EFCAB14: variants seen among roughly 807,000 people sequenced by gnomAD.
EFCAB14 encodes the protein EF-hand calcium binding domain 14.
Under a neutral mutation model 56.5 loss-of-function variants are expected in EFCAB14, and 43 were observed. The observed-to-expected ratio is 0.76, with a 90% CI of 0.60 to 0.98. The LOEUF (loss-of-function observed/expected upper bound fraction) is 0.98, where lower values mean the gene tolerates loss of function less well. Among genes scored for constraint, EFCAB14 ranks in the 50% least tolerant of loss-of-function variants. EFCAB14 has a pLI of 0.00. For synonymous variants in EFCAB14, 235 were observed against 212.9 expected, an observed-to-expected ratio of 1.10 and a Z score of -0.90; for missense variants, 538 against 580.3, an observed-to-expected ratio of 0.93 and a Z score of 0.75.
At position 46,675,415 on chromosome 1, in the gene EFCAB14, T is replaced by C. The variant is rs1676678259; in HGVS notation, c.*3046A>G. Reference sequence around the variant, plus strand: ...ATAAAGTCTCAGGAATACCCAAATGTGTTCTGGTTTGGATATGAAAGAGGG... The same window carrying C: ...ATAAAGTCTCAGGAATACCCAAATGCGTTCTGGTTTGGATATGAAAGAGGG... On this transcript the variant is annotated 3_prime_UTR_variant, in exon 11 of 11. Coordinates refer to ENST00000371933, the MANE Select transcript of EFCAB14 (RefSeq NM_014774.3). 1 of 152,606 alleles carries C rather than the reference T, an allele frequency of 6.6e-6. No homozygotes were observed. Among genetic ancestry groups the C allele is most frequent in the African/African-American group, 2.4e-5 (1 of 41,444 alleles). The allele number at this position is 152,606 out of a possible 1,614,324, so 9.5% of individuals were successfully genotyped here.
chr1:46,699,940 G>A (rs953782651), intron 3 of EFCAB14, among the ~76,000 whole-genome samples: 1 of 152,182 alleles, frequency 6.6e-6, no homozygotes, highest in Admixed American at 6.5e-5. Flanking sequence ...ATGCTGTGAG[G>A]ACACTCGAGT....
chr1:46,716,279 G>GTT lies in EFCAB14; in HGVS notation c.334+15_334+16insAA. ...AAAAAAAAAAAAAAAAAAAAAGAGA[G>GTT]TAACCACTTACTTACTTGTTCGAAA... On this transcript the variant is annotated intron_variant, in intron 2 of 10. Coordinates refer to ENST00000371933, the MANE Select transcript of EFCAB14 (RefSeq NM_014774.3). 1 of 1,024,392 alleles carries GTT rather than the reference G, an allele frequency of 9.8e-7. No individual in the cohort carries two copies. The highest frequency in any genetic ancestry group is 1.4e-6 in the Non-Finnish European group (1 of 707,784). 63.5% of individuals were successfully genotyped at this position (1,024,392 alleles called of 1,614,324 possible).
chr1:46,697,842 T>TTCTC (rs753072329), intron 3 of EFCAB14, among the ~76,000 whole-genome samples: 1 of 144,724 alleles, frequency 6.9e-6, no homozygotes, highest in Non-Finnish European at 1.5e-5. Context: ...ATTTTTTCCT[T>TTCTC]TCTCTCTCTC....
At chr1:46,710,978 C>T (rs1046892934) in intron 2 of EFCAB14, among the ~76,000 whole-genome samples, 3 of 152,332 alleles carry the variant, frequency 2.0e-5, no homozygotes, top group East Asian at 3.9e-4. Flanking sequence ...CAGGATTTCA[C>T]TCTTTTTATG....
intron 10 of EFCAB14, 129 bp downstream of exon 10, chr1:46,683,171 T>C: frequency 9.3e-7 from 1 of 1,070,874 alleles, no homozygotes; most frequent in Non-Finnish European, 1.3e-6. Flanking sequence ...ATAATGCATA[T>C]AAAGTATCTG....
Position 46,684,432 on chromosome 1 carries a change from T to G in EFCAB14, c.1186+59A>C. On this transcript the variant is annotated intron_variant, in intron 9 of 10. Coordinates refer to ENST00000371933, the MANE Select transcript of EFCAB14 (RefSeq NM_014774.3). ...GCTGGAACACCTTCCCTGCTCCCCA[T>G]GTGAGAGGCAAGCTGCTCAAGCCTC... 1.4e-5 allele frequency: 19 copies of G among 1,394,376 alleles called. No homozygotes were observed. The South Asian group carries it at 2.2e-4, about 16-fold the overall frequency. The allele number at this position is 1,394,376 out of a possible 1,614,324, so 86.4% of individuals were successfully genotyped here.
chr1:46,686,356 TCC>T (rs1255212124), intron 8 of EFCAB14, among the ~76,000 whole-genome samples: 1 of 152,222 alleles, frequency 6.6e-6, no homozygotes, highest in East Asian at 1.9e-4. Flanking sequence ...TCTGCCTCTG[TCC>T]CCCATCATTA....
At chr1:46,687,900 G>A (rs1676912522) in intron 7 of EFCAB14, among the ~76,000 whole-genome samples, 1 of 152,106 alleles carries the variant, frequency 6.6e-6, no homozygotes. Context: ...TTAATATATA[G>A]ACAGCAGGAT....
chr1:46,716,157 G>T, intron 2 of EFCAB14, 138 bp downstream of exon 2: 1 of 945,816 alleles, frequency 1.1e-6, no homozygotes, highest in Non-Finnish European at 1.5e-6. Context: ...GGCTGACCAT[G>T]AGAATCACTT....
At position 46,708,068 on chromosome 1, in the gene EFCAB14, A is replaced by C; in HGVS notation, c.335-17T>G. 1 of 1,608,622 alleles carries C rather than the reference A, an allele frequency of 6.2e-7. No individual in the cohort carries two copies. The highest frequency in any genetic ancestry group is 1.1e-5 in the South Asian group (1 of 90,626). On this transcript the variant is annotated splice_polypyrimidine_tract_variant and intron_variant, in intron 2 of 10. Coordinates refer to ENST00000371933, the MANE Select transcript of EFCAB14 (RefSeq NM_014774.3). ...TAGATTCCACTAAAAAGACAAAATA[A>C]GAACAATCATAACTAGCATAAAGTG... is the stretch of plus-strand genomic sequence containing the variant.
At position 46,696,554 on chromosome 1, in the gene EFCAB14, C is replaced by T; in HGVS notation, c.576G>A (p.Gln192=). The change falls in exon 4 of 11, where the codon CAG becomes CAA. Residue 192 remains glutamine (Q), a synonymous_variant. Transcript: ENST00000371933. ...TGTACCCACACATGGCACCTACCTT[C>T]TGAAGTCCCTCTACAGTGGTAGGCA... ...ISLPTTVEGL[Q]KSVASIGNTL... 6.2e-7 allele frequency: 1 copy of T among 1,613,216 alleles called. No homozygotes were observed. Among genetic ancestry groups the T allele is most frequent in the South Asian group, 1.1e-5 (1 of 90,996 alleles).
In EFCAB14 at chr1:46,676,278, A is replaced by C. The variant is rs1172560788; in HGVS notation, c.*2183T>G. On this transcript the variant is annotated 3_prime_UTR_variant, in exon 11 of 11. Coordinates refer to ENST00000371933, the MANE Select transcript of EFCAB14 (RefSeq NM_014774.3). ...GTAGGGGGAGAGGATGGTACTGTAT[A>C]CTGGCTCAGGGGTGATACTAGTCAG... The C allele has an allele frequency of 6.6e-6, 1 of 152,200 alleles. No homozygotes were observed. Among genetic ancestry groups the C allele is most frequent in the African/African-American group, 2.4e-5 (1 of 41,454 alleles). 9.4% of individuals were successfully genotyped at this position (152,200 alleles called of 1,614,324 possible).
rs538127987 is a variant in EFCAB14, at chr1:46,678,077, G to A, written c.*384C>T. 16 of 161,342 alleles carry A rather than the reference G, an allele frequency of 9.9e-5. No individual in the cohort carries two copies. The highest frequency in any genetic ancestry group is 1.7e-4 in the Non-Finnish European group (13 of 74,370). The allele number at this position is 161,342 out of a possible 1,614,324, so 10.0% of individuals were successfully genotyped here. A position where few individuals can be genotyped will look rare whatever the true frequency, so the allele number is the denominator to read the frequency against. On this transcript the variant is annotated 3_prime_UTR_variant, in exon 11 of 11. Coordinates refer to ENST00000371933, the MANE Select transcript of EFCAB14 (RefSeq NM_014774.3). ...GACATTTTCTGAGTCTCTATAAAGT[G>A]CAGCTAATTTAAGGCAAATTTAAGT...
chr1:46,681,518 A>G (rs1676794536), intron 10 of EFCAB14, among the ~76,000 whole-genome samples: 1 of 152,192 alleles, frequency 6.6e-6, no homozygotes, highest in Non-Finnish European at 1.5e-5. Context: ...TCCTATAAAC[A>G]AGCTCCTGAA....
At chr1:46,702,012 C>G (rs970700524) in intron 3 of EFCAB14, among the ~76,000 whole-genome samples, 1 of 152,188 alleles carries the variant, frequency 6.6e-6, no homozygotes, top group Non-Finnish European at 1.5e-5. Flanking sequence ...TGGCCTCTAA[C>G]AGATGCATTC....
At chr1:46,709,322 G>A (rs555738301) in intron 2 of EFCAB14, among the ~76,000 whole-genome samples, 2 of 152,280 alleles carry the variant, frequency 1.3e-5, no homozygotes, top group East Asian at 3.9e-4. Flanking sequence ...GAAGCCTCAT[G>A]ACCCTTGCAC....
chr1:46,699,686 CTATCT>C (rs893145852), intron 3 of EFCAB14, among the ~76,000 whole-genome samples: 22 of 152,200 alleles, frequency 1.4e-4, no homozygotes, highest in African/African-American at 4.6e-4. Flanking sequence ...TATTTAACAA[CTATCT>C]TATAAGGATA....
chr1:46,717,481 T>C (rs1320921459), intron 1 of EFCAB14, among the ~76,000 whole-genome samples: 1 of 152,130 alleles, frequency 6.6e-6, no homozygotes, highest in Non-Finnish European at 1.5e-5. Flanking sequence ...CTCACCATAT[T>C]TCCCCACCAC....
intron 4 of EFCAB14, among the ~76,000 whole-genome samples, chr1:46,694,106 A>G (rs1336466917): frequency 1.3e-5 from 2 of 152,350 alleles, no homozygotes; most frequent in East Asian, 1.9e-4. Flanking sequence ...TAAATGTTAG[A>G]CCTAAAACCA....
Sources: allele counts gnomAD v4.1 joint callset (sites outside exome capture counted in the v4.1 genomes callset), GRCh38; gene constraint gnomAD v4.1.1; transcripts MANE v1.5; gene names NCBI Gene and HGNC (gene_info 2026-07-23, HGNC 2026-07-21).